The following MYOZ2 variants were observed in gnomAD, a reference collection of about 807,000 sequenced individuals.
MYOZ2 encodes the protein myozenin-2.
MYOZ2 carries 19 observed loss-of-function variants against 25.4 expected under a neutral mutation model. That is an observed-to-expected ratio of 0.75 (90% CI 0.52 to 1.10). The LOEUF (loss-of-function observed/expected upper bound fraction) is 1.10, where lower values mean the gene tolerates loss of function less well. Ranked by LOEUF, MYOZ2 falls within the 50% of genes least tolerant of loss-of-function variation. MYOZ2 has a pLI of 0.00. For missense variants in MYOZ2, 270 were observed against 317.9 expected, an observed-to-expected ratio of 0.85 and a Z score of 1.15; for synonymous variants, 92 against 106.9, an observed-to-expected ratio of 0.86 and a Z score of 0.86.
intron 3 of MYOZ2, among the ~76,000 whole-genome samples, chr4:119,151,833 T>C (rs1161211296): frequency 6.6e-6 from 1 of 152,144 alleles, no homozygotes. Flanking sequence ...TGAGAGTTTC[T>C]TCCTAGAGCT....
chr4:119,169,696 C>T (rs1371356246), intron 5 of MYOZ2, among the ~76,000 whole-genome samples: 8 of 152,020 alleles, frequency 5.3e-5, no homozygotes, highest in African/African-American at 1.9e-4. Context: ...TCTGGGAACA[C>T]CAAATAGGAG....
intron 5 of MYOZ2, among the ~76,000 whole-genome samples, chr4:119,183,571 A>G (rs1742231281): frequency 6.6e-6 from 1 of 152,184 alleles, no homozygotes; most frequent in Non-Finnish European, 1.5e-5. Flanking sequence ...CCACCCACAC[A>G]CCAACTCTGT....
intron 2 of MYOZ2, among the ~76,000 whole-genome samples, chr4:119,138,572 A>G (rs535776375): frequency 6.6e-6 from 1 of 152,282 alleles, no homozygotes; most frequent in East Asian, 1.9e-4. Flanking sequence ...TGGATAATTT[A>G]AGATAAAACA....
chr4:119,141,734 G>C (rs1242775684), intron 2 of MYOZ2, among the ~76,000 whole-genome samples: 2 of 151,918 alleles, frequency 1.3e-5, no homozygotes, highest in Non-Finnish European at 2.9e-5. Flanking sequence ...AAGCCATGAA[G>C]GCAAGGATAT....
At chr4:119,178,721 C>G (rs1742129465) in intron 5 of MYOZ2, among the ~76,000 whole-genome samples, 2 of 152,170 alleles carry the variant, frequency 1.3e-5, no homozygotes, top group African/African-American at 4.8e-5. Flanking sequence ...ATTCTGCTGC[C>G]TCAGCCTCCC....
At chr4:119,143,790 GGAATCATACAGTAAGTA>G (rs1741226202) in intron 2 of MYOZ2, among the ~76,000 whole-genome samples, 1 of 152,096 alleles carries the variant, frequency 6.6e-6, no homozygotes, top group South Asian at 2.1e-4. Flanking sequence ...TCAAATAGCT[GGAATCATACAGTAAGTA>G]GATTTTTCCG....
intron 5 of MYOZ2, among the ~76,000 whole-genome samples, chr4:119,176,289 C>T (rs1742070400): frequency 6.6e-6 from 1 of 150,932 alleles, no homozygotes; most frequent in African/African-American, 2.4e-5. Flanking sequence ...GGTGTGATCT[C>T]GGCTCACTGC....
intron 2 of MYOZ2, among the ~76,000 whole-genome samples, chr4:119,149,563 G>C (rs932955327): frequency 2.0e-5 from 3 of 152,162 alleles, no homozygotes; most frequent in African/African-American, 7.2e-5. Context: ...ATCATCTTCA[G>C]CTTCAAGTCT....
At chr4:119,136,718 C>G (rs1189608165) in intron 2 of MYOZ2, 117 bp downstream of exon 2, 1 of 1,101,946 alleles carries the variant, frequency 9.1e-7, no homozygotes, top group Non-Finnish European at 1.4e-6. Flanking sequence ...TCTGTCATAA[C>G]AAACCTGGAG....
At chr4:119,179,211 C>T (rs925395684) in intron 5 of MYOZ2, among the ~76,000 whole-genome samples, 1 of 152,230 alleles carries the variant, frequency 6.6e-6, no homozygotes, top group Non-Finnish European at 1.5e-5. Context: ...TTTCCTCAAG[C>T]TCACCCAGCT....
At chr4:119,137,463 G>A (rs1741055787) in intron 2 of MYOZ2, among the ~76,000 whole-genome samples, 2 of 152,206 alleles carry the variant, frequency 1.3e-5, no homozygotes, top group South Asian at 4.1e-4. Context: ...TATTTCCCCT[G>A]TATTGACAAG....
chr4:119,176,204 A>G (rs1371588262), intron 5 of MYOZ2, among the ~76,000 whole-genome samples: 2 of 151,628 alleles, frequency 1.3e-5, no homozygotes, highest in Admixed American at 6.6e-5. Context: ...GCATGAATAC[A>G]TGGGTGAATC....
At chr4:119,136,672 A>G in intron 2 of MYOZ2, 71 bp downstream of exon 2, 1 of 1,454,474 alleles carries the variant, frequency 6.9e-7, no homozygotes. Context: ...ACGTTGTTTA[A>G]TATTCCATAG....
At chr4:119,147,656 A>G (rs1478798116) in intron 2 of MYOZ2, among the ~76,000 whole-genome samples, 4 of 151,056 alleles carry the variant, frequency 2.6e-5, no homozygotes, top group African/African-American at 9.7e-5. Flanking sequence ...AGGCAGGAGA[A>G]TCACTTGAAC....
At chr4:119,167,432 A>C (rs987992576) in intron 5 of MYOZ2, among the ~76,000 whole-genome samples, 1 of 152,222 alleles carries the variant, frequency 6.6e-6, no homozygotes, top group Non-Finnish European at 1.5e-5. Context: ...ATGAAGGCTG[A>C]GGAAAGACGC....
At chr4:119,181,213 G>A (rs1220367793) in intron 5 of MYOZ2, among the ~76,000 whole-genome samples, 1 of 152,150 alleles carries the variant, frequency 6.6e-6, no homozygotes, top group African/African-American at 2.4e-5. Context: ...GACAAGGAAT[G>A]TCCAGGTAGC....
chr4:119,140,824 T>A (rs1041148763), intron 2 of MYOZ2, among the ~76,000 whole-genome samples: 33 of 152,220 alleles, frequency 2.2e-4, no homozygotes, highest in Non-Finnish European at 4.4e-4. Context: ...ATACAGTTTT[T>A]AAATAATATT....
intron 5 of MYOZ2, 92 bp from the exon 6 acceptor site, chr4:119,185,874 A>G: frequency 3.7e-6 from 4 of 1,076,782 alleles, no homozygotes; most frequent in Non-Finnish European, 5.5e-6. Flanking sequence ...AAATACACCC[A>G]TAAAATCATG....
In MYOZ2 at chr4:119,186,867, T is replaced by C. The variant is rs964586386; in HGVS notation, c.*667T>C. On this transcript the variant is annotated 3_prime_UTR_variant, in exon 6 of 6. Transcript: ENST00000307128. ...ACTGAGAATGACTCAAGGGACGTCA[T>C]AGTACCATAGTTTTAAGGACCAAGG... 1 of 152,386 alleles carries C rather than the reference T, an allele frequency of 6.6e-6. No homozygotes were observed. Among genetic ancestry groups the C allele is most frequent in the African/African-American group, 2.4e-5 (1 of 41,448 alleles). 9.4% of individuals were successfully genotyped at this position (152,386 alleles called of 1,614,324 possible). A position where few individuals can be genotyped will look rare whatever the true frequency, so the allele number is the denominator to read the frequency against.
Sources: gnomAD v4.1 joint callset for allele counts (sites outside exome capture counted in the v4.1 genomes callset) on GRCh38, gnomAD v4.1.1 for gene constraint, MANE v1.5 for transcripts, NCBI Gene and HGNC (gene_info 2026-07-23, HGNC 2026-07-21) for gene names.